Variants in EBF3 observed in about 807,000 individuals in gnomAD.
EBF3 encodes the protein transcription factor COE3.
EBF3 carries 18 observed loss-of-function variants against 77.1 expected under a neutral mutation model. The observed-to-expected ratio is 0.23, with a 90% CI of 0.16 to 0.35. The LOEUF (loss-of-function observed/expected upper bound fraction) is 0.35, where lower values mean the gene tolerates loss of function less well. EBF3 is among the 10% of genes least tolerant of loss of function. EBF3 has a pLI of 1.00. For missense variants in EBF3, 558 were observed against 860.0 expected (o/e 0.65, Z 4.39); for synonymous variants, 350 against 343.5 (o/e 1.02, Z -0.21).
In EBF3 at chr10:129,842,092, G is replaced by T. The variant is rs781589085; in HGVS notation, c.1372+24C>A. 1 of 1,614,058 alleles carries T rather than the reference G, an allele frequency of 6.2e-7. No individual in the cohort carries two copies. The highest frequency in any genetic ancestry group is 1.1e-5 in the South Asian group (1 of 91,078). ...ACCCTCGGAGGGCGTTCAGGGCAGGGGTCCTCCCAGCATGCTGGCATACCT... is the reference window on the plus strand; with the variant it reads ...ACCCTCGGAGGGCGTTCAGGGCAGGTGTCCTCCCAGCATGCTGGCATACCT... On this transcript the variant is annotated intron_variant, in intron 13 of 16. Transcript: ENST00000440978. The surrounding 1 kb of genome is among the most constrained non-coding windows in gnomAD (Gnocchi z 4.4).
At chr10:129,951,945 C>T (rs1858712922) in intron 6 of EBF3, among the ~76,000 whole-genome samples, 1 of 152,234 alleles carries the variant, frequency 6.6e-6, no homozygotes, top group African/African-American at 2.4e-5. Flanking sequence ...GAACTTTTTG[C>T]CTCTCCCTAC....
In EBF3 at chr10:129,907,935, T is replaced by C. The variant is rs927469247; in HGVS notation, c.555-30086A>G. Among the ~76,000 whole-genome samples, 7 of 152,176 alleles carry C rather than the reference T, an allele frequency of 4.6e-5. No individual in the cohort carries two copies. In the South Asian group the frequency reaches 8.3e-4, roughly 18 times the overall value. Reference sequence around the variant, plus strand: ...GCAAAAAATACAATTTGTGGAATAATAGCAGCACTGAACAGAGAATCCTAG... The same window carrying C: ...GCAAAAAATACAATTTGTGGAATAACAGCAGCACTGAACAGAGAATCCTAG... On this transcript the variant is annotated intron_variant, in intron 6 of 16. Coordinates refer to ENST00000440978, the MANE Select transcript of EBF3 (RefSeq NM_001375380.1).
At chr10:129,937,405 C>T (rs1857437954) in intron 6 of EBF3, among the ~76,000 whole-genome samples, 1 of 152,086 alleles carries the variant, frequency 6.6e-6, no homozygotes. Context: ...CCCCAGGGAC[C>T]TCAGGTGGGA....
intron 6 of EBF3, among the ~76,000 whole-genome samples, chr10:129,926,917 G>C (rs897968916): frequency 6.6e-6 from 1 of 152,206 alleles, no homozygotes; most frequent in Non-Finnish European, 1.5e-5. Flanking sequence ...GCTCCCGGGG[G>C]ACAGGCTGCA....
rs1366101239 is a variant in EBF3 at position 129,879,316 on chromosome 10, T to C, written c.555-1467A>G. ...CCAAGCATCCTGTCCAGCAAGGTCATCAACACAAACCTTTCTCTACTTCCT... is the reference window on the plus strand; with the variant it reads ...CCAAGCATCCTGTCCAGCAAGGTCACCAACACAAACCTTTCTCTACTTCCT... On this transcript the variant is annotated intron_variant, in intron 6 of 16. Transcript: ENST00000440978. The surrounding 1 kb of genome is among the most constrained non-coding windows in gnomAD (Gnocchi z 4.7). Among the ~76,000 whole-genome samples, 2 of 152,208 alleles carry C rather than the reference T, an allele frequency of 1.3e-5. No individual in the cohort carries two copies. Among genetic ancestry groups the C allele is most frequent in the African/African-American group, 4.8e-5 (2 of 41,446 alleles).
intron 6 of EBF3, among the ~76,000 whole-genome samples, chr10:129,941,306 C>T (rs1005268927): frequency 6.6e-6 from 1 of 152,222 alleles, no homozygotes; most frequent in African/African-American, 2.4e-5. Flanking sequence ...GAGCTCCGCA[C>T]CCTTGCTCAG....
At chr10:129,915,706 T>TACG (rs1402740333) in intron 6 of EBF3, among the ~76,000 whole-genome samples, 7 of 152,282 alleles carry the variant, frequency 4.6e-5, no homozygotes, top group African/African-American at 1.7e-4. Flanking sequence ...AATATCCAAA[T>TACG]ACGAACACAT....
In EBF3 at chr10:129,841,419, A is replaced by G. The variant is rs1421513701; in HGVS notation, c.1373-387T>C. Among the ~76,000 whole-genome samples the G allele has an allele frequency of 6.6e-6, 1 of 152,114 alleles. No individual in the cohort carries two copies. The highest frequency in any genetic ancestry group is 1.9e-4 in the East Asian group (1 of 5,184). On this transcript the variant is annotated intron_variant, in intron 13 of 16. Coordinates refer to ENST00000440978, the MANE Select transcript of EBF3 (RefSeq NM_001375380.1). The surrounding 1 kb of genome is among the most constrained non-coding windows in gnomAD (Gnocchi z 4.6). ...ACAAGGAGAGCTTGTTTGTGGCCGT[A>G]ACTTCCCCTGAAAGGCTGTTTGGGG...
intron 6 of EBF3, among the ~76,000 whole-genome samples, chr10:129,884,636 G>A (rs1198363305): frequency 6.6e-6 from 1 of 152,190 alleles, no homozygotes; most frequent in Non-Finnish European, 1.5e-5. Flanking sequence ...TTTTACAGCT[G>A]TGCCCAGATG....
Position 129,848,646 on chromosome 10 carries a change from T to C in EBF3, c.1040-166A>G, listed in dbSNP as rs1850643134. Among the ~76,000 whole-genome samples, 1 of 152,210 alleles carries C rather than the reference T, an allele frequency of 6.6e-6. No individual in the cohort carries two copies. The highest frequency in any genetic ancestry group is 2.4e-5 in the African/African-American group (1 of 41,460). ...TCTTAAGGAATAGATTTTCCCCCTT[T>C]CTTTTGCACATAAAAGCAACGATTA... is the stretch of plus-strand genomic sequence containing the variant. On this transcript the variant is annotated intron_variant, in intron 10 of 16. Transcript: ENST00000440978. The surrounding 1 kb of genome is among the most constrained non-coding windows in gnomAD (Gnocchi z 4.4).
chr10:129,954,569 C>G (rs1448800467), intron 6 of EBF3, among the ~76,000 whole-genome samples: 1 of 152,154 alleles, frequency 6.6e-6, no homozygotes, highest in African/African-American at 2.4e-5. Flanking sequence ...GCTTACTTCT[C>G]TGTTCTCATA....
At chr10:129,843,244 G>C in intron 11 of EBF3, 42 bp from the exon 12 acceptor site, 1 of 1,580,106 alleles carries the variant, frequency 6.3e-7, no homozygotes. Flanking sequence ...GGGAGGAACC[G>C]GCCAGTTATC....
At chr10:129,931,475 TG>T (rs922403710) in intron 6 of EBF3, among the ~76,000 whole-genome samples, 2 of 152,098 alleles carry the variant, frequency 1.3e-5, no homozygotes, top group African/African-American at 4.8e-5. Flanking sequence ...GCCCCAGAAG[TG>T]ATGAATGCAC....
intron 6 of EBF3, among the ~76,000 whole-genome samples, chr10:129,905,641 AC>A (rs1451567895): frequency 2.6e-5 from 4 of 152,048 alleles, no homozygotes; most frequent in African/African-American, 9.7e-5. Flanking sequence ...GCCCTCACAC[AC>A]CATCTCTAGA....
rs1851657150 is a variant in EBF3 at position 129,861,791 on chromosome 10, T to C, written c.1039+5350A>G. On this transcript the variant is annotated intron_variant, in intron 10 of 16. Coordinates refer to ENST00000440978, the MANE Select transcript of EBF3 (RefSeq NM_001375380.1). This position sits in a 1 kb window ranked among gnomAD's most constrained non-coding sequence, Gnocchi z 4.3. The stretch of plus-strand genomic sequence containing the variant: ...ATGTGGTTTACATGGAAGGAAGGCA[T>C]TAGCATTGAGTTGAGCATAGTAAAA... Among the ~76,000 whole-genome samples, 1 of 152,188 alleles carries C rather than the reference T, an allele frequency of 6.6e-6. No homozygotes were observed. Among genetic ancestry groups the C allele is most frequent in the African/African-American group, 2.4e-5 (1 of 41,444 alleles).
rs1403745933 is a variant in EBF3, at chr10:129,837,769, T to G, written c.*174A>C. 1 of 757,648 alleles carries G rather than the reference T, an allele frequency of 1.3e-6. No homozygotes were observed. The highest frequency in any genetic ancestry group is 1.8e-5 in the African/African-American group (1 of 56,722). The allele number at this position is 757,648 out of a possible 1,614,324, so 46.9% of individuals were successfully genotyped here. Reference sequence around the variant, plus strand: ...AGGCTGTTTGCATGTTGATTCTTAATAGTTTAAATAAAATCTTTAAACAAA... The same window carrying G: ...AGGCTGTTTGCATGTTGATTCTTAAGAGTTTAAATAAAATCTTTAAACAAA... On this transcript the variant is annotated 3_prime_UTR_variant, in exon 17 of 17. Coordinates refer to ENST00000440978, the MANE Select transcript of EBF3 (RefSeq NM_001375380.1).
intron 6 of EBF3, among the ~76,000 whole-genome samples, chr10:129,942,118 A>G (rs1208006828): frequency 6.6e-6 from 1 of 152,224 alleles, no homozygotes; most frequent in Non-Finnish European, 1.5e-5. Context: ...GGCCTCTCTC[A>G]GCATGGACGG....
rs1483338393 is a variant in EBF3, at chr10:129,837,176, T to C, written c.*767A>G. 6.6e-6 allele frequency: 1 copy of C among 152,658 alleles called. No individual in the cohort carries two copies. Among genetic ancestry groups the C allele is most frequent in the Non-Finnish European group, 1.5e-5 (1 of 68,052 alleles). The allele number at this position is 152,658 out of a possible 1,614,324, so 9.5% of individuals were successfully genotyped here. ...AGTGCTAGCAAAAGTTGAAAAAATGTTGCAGATCACACTTGCTTAACAGGA... is the reference window on the plus strand; with the variant it reads ...AGTGCTAGCAAAAGTTGAAAAAATGCTGCAGATCACACTTGCTTAACAGGA... On this transcript the variant is annotated 3_prime_UTR_variant, in exon 17 of 17. Transcript: ENST00000440978.
intron 10 of EBF3, among the ~76,000 whole-genome samples, chr10:129,851,321 T>C (rs926421290): frequency 6.6e-6 from 1 of 152,172 alleles, no homozygotes; most frequent in African/African-American, 2.4e-5. Context: ...GCAAATTTGT[T>C]TTATGTTAAT....
Sources: gnomAD v4.1 joint callset for allele counts (sites outside exome capture counted in the v4.1 genomes callset) on GRCh38, gnomAD v4.1.1 for gene constraint, Gnocchi (gnomAD v3.1) non-coding constraint, MANE v1.5 for transcripts, NCBI Gene and HGNC (gene_info 2026-07-23, HGNC 2026-07-21) for gene names.